SMIM3: variants seen among roughly 807,000 people sequenced by gnomAD.
SMIM3 encodes NGF-induced differentiation clone 67 protein.
In SMIM3, 4 loss-of-function variants were observed where a neutral mutation model predicts 2.1. That is an observed-to-expected ratio of 1.89 (90% CI 0.93 to 4.31). The LOEUF is 4.31. SMIM3 is among the 30% of genes most tolerant of loss of function. SMIM3 has a pLI of 0.01. For missense variants in SMIM3, 79 were observed against 77.7 expected (o/e 1.02, Z -0.06); for synonymous variants, 29 against 30.8 (o/e 0.94, Z 0.19).
chr5:150,784,681 T>C (rs1363569), intron 1 of SMIM3, among the ~76,000 whole-genome samples: 35,382 of 152,140 alleles, frequency 0.23, 9,258 homozygotes, highest in African/African-American at 0.65. Flanking sequence ...TTTGACTTTT[T>C]AACCCTTCCA....
Position 150,795,744 on chromosome 5 carries a change from C to A in SMIM3, c.*121C>A. ...ATGGACCTGAGTTCTGGTTTTGATT[C>A]TGCCACGAGCCAGCTGTGTGAATTT... On this transcript the variant is annotated 3_prime_UTR_variant, in exon 2 of 2. Transcript: ENST00000526627. The A allele has an allele frequency of 9.1e-7, 1 of 1,095,922 alleles. No homozygotes were observed. Among genetic ancestry groups the A allele is most frequent in the African/African-American group, 1.6e-5 (1 of 63,752 alleles). The allele number at this position is 1,095,922 out of a possible 1,614,324, so 67.9% of individuals were successfully genotyped here.
rs550023828 is a variant in SMIM3 at position 150,796,142 on chromosome 5, T to C, written c.*519T>C. The C allele has an allele frequency of 4.4e-5, 7 of 157,946 alleles. No individual in the cohort carries two copies. In the South Asian group the frequency reaches 1.3e-3, roughly 30 times the overall value. The allele number at this position is 157,946 out of a possible 1,614,324, so 9.8% of individuals were successfully genotyped here. ...GTGCCATTCCTTCATGTTTTCTCAGTTTGGAGGGTGATGGGTAGAGCTTTC... is the reference window on the plus strand; with the variant it reads ...GTGCCATTCCTTCATGTTTTCTCAGCTTGGAGGGTGATGGGTAGAGCTTTC... On this transcript the variant is annotated 3_prime_UTR_variant, in exon 2 of 2. Coordinates refer to ENST00000526627, the MANE Select transcript of SMIM3 (RefSeq NM_032947.5).
intron 1 of SMIM3, among the ~76,000 whole-genome samples, chr5:150,792,980 C>G (rs575710995): frequency 6.6e-6 from 1 of 151,884 alleles, no homozygotes; most frequent in South Asian, 2.1e-4. Flanking sequence ...TGCATATATT[C>G]CATTAGTAAC....
At chr5:150,784,818 C>T (rs1270083971) in intron 1 of SMIM3, among the ~76,000 whole-genome samples, 1 of 152,008 alleles carries the variant, frequency 6.6e-6, no homozygotes, top group Non-Finnish European at 1.5e-5. Flanking sequence ...TTCTATTTGT[C>T]CCCTTTATTC....
chr5:150,787,558 G>GT (rs1490955677), intron 1 of SMIM3, among the ~76,000 whole-genome samples: 1 of 152,094 alleles, frequency 6.6e-6, no homozygotes, highest in African/African-American at 2.4e-5. Flanking sequence ...TAGTGTAGTG[G>GT]TAAGTAAGTG....
intron 1 of SMIM3, among the ~76,000 whole-genome samples, chr5:150,786,499 C>G (rs1753295184): frequency 6.6e-6 from 1 of 152,158 alleles, no homozygotes; most frequent in African/African-American, 2.4e-5. Flanking sequence ...GTTGCTTAGG[C>G]TGATCTTGAA....
chr5:150,779,829 A>AACC (rs1753212584), intron 1 of SMIM3, among the ~76,000 whole-genome samples: 21 of 111,102 alleles, frequency 1.9e-4, no homozygotes, highest in South Asian at 3.2e-4. Context: ...GAAAGGTGTA[A>AACC]CCCCCCCCGC....
intron 1 of SMIM3, among the ~76,000 whole-genome samples, chr5:150,787,169 C>T (rs1753301876): frequency 6.6e-6 from 1 of 152,154 alleles, no homozygotes; most frequent in African/African-American, 2.4e-5. Context: ...ATGACAGGCT[C>T]TCCTCCCTGG....
chr5:150,782,241 C>T (rs1387632793), intron 1 of SMIM3, among the ~76,000 whole-genome samples: 2 of 152,080 alleles, frequency 1.3e-5, no homozygotes, highest in Non-Finnish European at 2.9e-5. Flanking sequence ...ACCAAAGGTC[C>T]CTGGTGAAAT....
intron 1 of SMIM3, among the ~76,000 whole-genome samples, chr5:150,790,332 G>C (rs567499820): frequency 1.3e-5 from 2 of 152,252 alleles, no homozygotes; most frequent in South Asian, 4.1e-4. Context: ...GGGTTTACAG[G>C]AAAGGACTCT....
chr5:150,780,474 G>C (rs1753220226), intron 1 of SMIM3, among the ~76,000 whole-genome samples: 1 of 152,156 alleles, frequency 6.6e-6, no homozygotes, highest in Admixed American at 6.5e-5. Context: ...ATGCTGTGGG[G>C]GTTACAAGTC....
chr5:150,789,075 A>G (rs1340708827), intron 1 of SMIM3, among the ~76,000 whole-genome samples: 1 of 152,216 alleles, frequency 6.6e-6, no homozygotes, highest in Non-Finnish European at 1.5e-5. Context: ...TCATATTCTT[A>G]TCAGTGATAG....
At chr5:150,788,506 A>G (rs1753315486) in intron 1 of SMIM3, among the ~76,000 whole-genome samples, 1 of 151,686 alleles carries the variant, frequency 6.6e-6, no homozygotes, top group Non-Finnish European at 1.5e-5. Flanking sequence ...GTGGTGGCGC[A>G]CACCTGTAGT....
At chr5:150,791,758 G>A (rs2113206418) in intron 1 of SMIM3, among the ~76,000 whole-genome samples, 1 of 152,160 alleles carries the variant, frequency 6.6e-6, no homozygotes, top group East Asian at 1.9e-4. Context: ...CAAATCCTTT[G>A]GTTATATGCC....
chr5:150,788,284 A>T (rs10080000), intron 1 of SMIM3, among the ~76,000 whole-genome samples: 2,218 of 152,270 alleles, frequency 0.015, 48 homozygotes, highest in African/African-American at 0.049. Context: ...ATCAGGCAGT[A>T]GGGCTTCCCT....
intron 1 of SMIM3, among the ~76,000 whole-genome samples, chr5:150,785,017 C>G (rs1217256007): frequency 3.4e-5 from 5 of 147,456 alleles, no homozygotes; most frequent in African/African-American, 1.2e-4. Flanking sequence ...AATTCTATTT[C>G]TTCCAGAATT....
intron 1 of SMIM3, among the ~76,000 whole-genome samples, chr5:150,792,490 A>G (rs1753358822): frequency 6.6e-6 from 1 of 152,224 alleles, no homozygotes; most frequent in Admixed American, 6.5e-5. Context: ...GTTTAACACT[A>G]ATCTTACTAC....
chr5:150,789,138 T>C (rs1414033193), intron 1 of SMIM3, among the ~76,000 whole-genome samples: 1 of 152,202 alleles, frequency 6.6e-6, no homozygotes, highest in Non-Finnish European at 1.5e-5. Flanking sequence ...GAACCATTAA[T>C]AAGAAATATC....
intron 1 of SMIM3, among the ~76,000 whole-genome samples, chr5:150,791,860 A>G (rs1753353166): frequency 6.6e-6 from 1 of 152,258 alleles, no homozygotes; most frequent in Admixed American, 6.5e-5. Flanking sequence ...GTATTAATTA[A>G]GTAAATTAAT....
Sources: allele counts gnomAD v4.1 joint callset (sites outside exome capture counted in the v4.1 genomes callset), GRCh38; gene constraint gnomAD v4.1.1; transcripts MANE v1.5; gene names NCBI Gene and HGNC (gene_info 2026-07-23, HGNC 2026-07-21).